Variants in GRIA2 observed in about 807,000 individuals in gnomAD.
GRIA2 encodes glutamate receptor 2.
In GRIA2, 14 loss-of-function variants were observed where a neutral mutation model predicts 97.3. The ratio of observed to expected loss-of-function variants is 0.14; its 90% confidence interval spans 0.10 to 0.23. The LOEUF (loss-of-function observed/expected upper bound fraction) is 0.23, where lower values mean the gene tolerates loss of function less well. GRIA2 is among the 10% of genes least tolerant of loss of function. The probability of loss-of-function intolerance (pLI) is 1.00; values close to 1 mark genes in which losing one functional copy is unlikely to be tolerated. For missense variants in GRIA2, 558 were observed against 1,069.8 expected, an observed-to-expected ratio of 0.52 and a Z score of 6.67; for synonymous variants, 412 against 387.8, an observed-to-expected ratio of 1.06 and a Z score of -0.73.
chr4:157,317,577 C>T (rs556160193), intron 4 of GRIA2, 81 bp from the exon 5 acceptor site: 20 of 537,610 alleles, frequency 3.7e-5, no homozygotes, highest in African/African-American at 1.9e-4. Context: ...CACGTTTTTC[C>T]CTGAATCAGA....
At position 157,353,439 on chromosome 4, in the gene GRIA2, G is replaced by A. The variant is rs1736106323; in HGVS notation, c.2044-6457G>A. Among the ~76,000 whole-genome samples, 3 of 152,106 alleles carry A rather than the reference G, an allele frequency of 2.0e-5. No homozygotes were observed. The South Asian group carries it at 6.2e-4, about 31-fold the overall frequency. On this transcript the variant is annotated intron_variant, in intron 12 of 15. Transcript: ENST00000264426. ...TAATCCCAGCACTTTGGGAGGCCAA[G>A]GTGGGCGGACAACGAGGTCAGGAGA...
chr4:157,359,178 A>G (rs1736526661), intron 12 of GRIA2, among the ~76,000 whole-genome samples: 1 of 152,164 alleles, frequency 6.6e-6, no homozygotes. Context: ...AAGTTTTAAG[A>G]TAAATATTCC....
chr4:157,293,558 G>T (rs1042030620), intron 2 of GRIA2, among the ~76,000 whole-genome samples: 1 of 152,118 alleles, frequency 6.6e-6, no homozygotes, highest in Non-Finnish European at 1.5e-5. Flanking sequence ...GTTAACAAGG[G>T]TTGCTTCTGG....
chr4:157,247,613 C>T lies in GRIA2; in HGVS notation c.229+25806C>T, dbSNP rs180943464. ...ACGAAGGTGAGCAGGTCACCTGGAG[C>T]AGTGGGCATGCTTGGCTTCTGGCTG... On this transcript the variant is annotated intron_variant, in intron 2 of 15. Transcript: ENST00000264426. 5.8e-4 allele frequency among the ~76,000 whole-genome samples: 89 copies of T among 152,242 alleles called. No homozygotes were observed. In the East Asian group the frequency reaches 0.01, roughly 18 times the overall value.
At chr4:157,342,181 T>C in intron 12 of GRIA2, 1 of 966,376 alleles carries the variant, frequency 1.0e-6, no homozygotes, top group South Asian at 4.8e-5. Flanking sequence ...GAAGCCAATA[T>C]ATGTGACATA....
Position 157,322,197 on chromosome 4 carries a change from AAGAG to A in GRIA2, c.882+610_882+613del, listed in dbSNP as rs942787997. ...TTCAGTCAATAAACGTATGGCCACA[AAGAG>A]AGAGAGAGAGAAAGAGAGAGAGTGA... is the stretch of plus-strand genomic sequence containing the variant. On this transcript the variant is annotated intron_variant, in intron 6 of 15. Transcript: ENST00000264426. Among the ~76,000 whole-genome samples the A allele has an allele frequency of 9.4e-5, 14 of 149,156 alleles. No individual in the cohort carries two copies. The South Asian group carries it at 1.3e-3, about 14-fold the overall frequency.
chr4:157,275,800 C>T lies in GRIA2; in HGVS notation c.230-27752C>T, dbSNP rs560778011. On this transcript the variant is annotated intron_variant, in intron 2 of 15. Coordinates refer to ENST00000264426, the MANE Select transcript of GRIA2 (RefSeq NM_001083619.3). ...TGTAGTATAGTTTGAAGTCAGGTAG[C>T]GTGATGCCTCCAGCTTTTTTCTTTT... Among the ~76,000 whole-genome samples the T allele has an allele frequency of 3.1e-3, 476 of 151,958 alleles. 2 individuals are homozygous for T. Among genetic ancestry groups the T allele is most frequent in the African/African-American group, 0.011 (445 of 41,526 alleles).
chr4:157,255,891 A>G (rs2126753714), intron 2 of GRIA2, among the ~76,000 whole-genome samples: 2 of 151,892 alleles, frequency 1.3e-5, no homozygotes, highest in South Asian at 4.1e-4. Flanking sequence ...AATGGCCAAC[A>G]AGCATATGAA....
At chr4:157,348,698 T>C (rs552602989) in intron 12 of GRIA2, among the ~76,000 whole-genome samples, 2 of 152,292 alleles carry the variant, frequency 1.3e-5, no homozygotes, top group African/African-American at 4.8e-5. Context: ...ATAGTATCTC[T>C]CTCAGATTTT....
chr4:157,334,160 T>C (rs1402313525), intron 9 of GRIA2, 40 bp downstream of exon 9: 1 of 944,996 alleles, frequency 1.1e-6, no homozygotes, highest in Admixed American at 1.7e-5. Context: ...TTGTATTTTC[T>C]TATGGCTAAT....
At chr4:157,357,224 T>G (rs1736423757) in intron 12 of GRIA2, among the ~76,000 whole-genome samples, 1 of 152,156 alleles carries the variant, frequency 6.6e-6, no homozygotes, top group Non-Finnish European at 1.5e-5. Flanking sequence ...AATTCTTGTT[T>G]TGAAAGTAGC....
chr4:157,268,784 T>A (rs865910054), intron 2 of GRIA2, among the ~76,000 whole-genome samples: 1 of 152,048 alleles, frequency 6.6e-6, no homozygotes, highest in African/African-American at 2.4e-5. Flanking sequence ...ATGCTTTTTT[T>A]CTTAGGATAT....
chr4:157,252,357 G>A (rs909297293), intron 2 of GRIA2, among the ~76,000 whole-genome samples: 5 of 152,074 alleles, frequency 3.3e-5, no homozygotes, highest in African/African-American at 9.7e-5. Context: ...GGTTATTTGT[G>A]TTTGGTTATT....
At chr4:157,243,892 G>T (rs959645385) in intron 2 of GRIA2, among the ~76,000 whole-genome samples, 8 of 151,812 alleles carry the variant, frequency 5.3e-5, no homozygotes, top group African/African-American at 1.9e-4. Flanking sequence ...CGCTCATGGA[G>T]CCTATGTTAG....
At chr4:157,302,566 T>G (rs992212878) in intron 2 of GRIA2, among the ~76,000 whole-genome samples, 1 of 152,126 alleles carries the variant, frequency 6.6e-6, no homozygotes, top group African/African-American at 2.4e-5. Flanking sequence ...TATCAGTAAG[T>G]TGGAAATAAT....
At chr4:157,295,068 T>C (rs1733281959) in intron 2 of GRIA2, among the ~76,000 whole-genome samples, 1 of 152,170 alleles carries the variant, frequency 6.6e-6, no homozygotes, top group Non-Finnish European at 1.5e-5. Context: ...TTATTGCCTA[T>C]TACTGCTGGT....
At chr4:157,321,627 T>A in intron 6 of GRIA2, 28 bp downstream of exon 6, 1 of 1,532,544 alleles carries the variant, frequency 6.5e-7, no homozygotes, top group Non-Finnish European at 8.9e-7. Context: ...TCTTTTCTTT[T>A]TCTTTCATAT....
chr4:157,345,743 C>A (rs909668702), intron 12 of GRIA2, among the ~76,000 whole-genome samples: 4 of 152,150 alleles, frequency 2.6e-5, no homozygotes, highest in African/African-American at 9.7e-5. Context: ...ACACTGCAAT[C>A]TGTTCCTTCT....
rs181249554 is a variant in GRIA2 at position 157,365,662 on chromosome 4, C to A, written c.*2231C>A. ...TACTCATAGTTTAATATCCATGTAA[C>A]GGTGCATCAATATATTGCTATATAA... is the stretch of plus-strand genomic sequence containing the variant. On this transcript the variant is annotated 3_prime_UTR_variant, in exon 16 of 16. Transcript: ENST00000264426. 3 of 151,850 alleles carry A rather than the reference C, an allele frequency of 2.0e-5. No individual in the cohort carries two copies. The highest frequency in any genetic ancestry group is 6.6e-5 in the Admixed American group (1 of 15,162). 9.4% of individuals were successfully genotyped at this position (151,850 alleles called of 1,614,324 possible).
Sources: gnomAD v4.1 joint callset for allele counts (sites outside exome capture counted in the v4.1 genomes callset) on GRCh38, gnomAD v4.1.1 for gene constraint, MANE v1.5 for transcripts, NCBI Gene and HGNC (gene_info 2026-07-23, HGNC 2026-07-21) for gene names.